Variants in CR1 observed in about 807,000 individuals in gnomAD.
CR1 encodes the protein complement C3b/C4b receptor 1 (Knops blood group).
A neutral mutation model predicts 187.3 loss-of-function variants in CR1; 116 were observed. That is an observed-to-expected ratio of 0.62 (90% CI 0.53 to 0.72). The LOEUF is 0.72. Among genes scored for constraint, CR1 ranks in the 30% least tolerant of loss-of-function variants. The probability of loss-of-function intolerance (pLI) is 0.00; values close to 1 mark genes in which losing one functional copy is unlikely to be tolerated. For synonymous variants in CR1, 576 were observed against 747.1 expected (o/e 0.77, Z 3.73); for missense variants, 1,731 against 2,110.7 (o/e 0.82, Z 3.52).
At chr1:207,510,632 T>C (rs1053796051) in intron 3 of CR1, among the ~76,000 whole-genome samples, 2 of 152,200 alleles carry the variant, frequency 1.3e-5, no homozygotes, top group African/African-American at 4.8e-5. Context: ...GACATACTAA[T>C]TGAGAATTGC....
intron 35 of CR1, among the ~76,000 whole-genome samples, chr1:207,590,265 G>T (rs1661232578): frequency 1.3e-5 from 2 of 152,184 alleles, no homozygotes; most frequent in Non-Finnish European, 2.9e-5. Flanking sequence ...GAATCTCTCT[G>T]CAGAAACCCT....
At position 207,567,265 on chromosome 1, in the gene CR1, G is replaced by GTT. The variant is rs199637674; in HGVS notation, c.3953-544_3953-543dup. Among the ~76,000 whole-genome samples the GTT allele has an allele frequency of 1.4e-3, 195 of 138,082 alleles. 4 individuals are homozygous for GTT. Among genetic ancestry groups the GTT allele is most frequent in the Middle Eastern group, 3.6e-3 (1 of 274 alleles). 90.6% of individuals were successfully genotyped at this position (138,082 alleles called of 152,430 possible). A position where few individuals can be genotyped will look rare whatever the true frequency, so the allele number is the denominator to read the frequency against. On this transcript the variant is annotated intron_variant, in intron 24 of 46. Coordinates refer to ENST00000367049, the MANE Select transcript of CR1 (RefSeq NM_000651.6). ...GCAAAGCCATCTGAATCCATTTGGA[G>GTT]TTTTTTTTTTTTTTTTATCATGGCC...
At chr1:207,514,378 C>T (rs1255026633) in intron 4 of CR1, among the ~76,000 whole-genome samples, 11 of 151,998 alleles carry the variant, frequency 7.2e-5, no homozygotes, top group African/African-American at 2.7e-4. Context: ...ACCCCAAATC[C>T]ATATGTTGAA....
At chr1:207,511,703 T>A in intron 4 of CR1, 49 bp downstream of exon 4, 1 of 1,553,532 alleles carries the variant, frequency 6.4e-7, no homozygotes, top group Non-Finnish European at 8.9e-7. Flanking sequence ...CATTCTAATT[T>A]TTCTCTGGAA....
chr1:207,564,337 CA>C (rs1327033583), intron 23 of CR1, 103 bp downstream of exon 23: 2 of 1,587,036 alleles, frequency 1.3e-6, no homozygotes, highest in East Asian at 4.5e-5. Flanking sequence ...CACACACACA[CA>C]CACACACCTT....
chr1:207,516,707 A>G (rs1280754296), intron 4 of CR1, among the ~76,000 whole-genome samples: 2 of 152,104 alleles, frequency 1.3e-5, no homozygotes, highest in Non-Finnish European at 2.9e-5. Context: ...GAAGTCATGT[A>G]CCTATTTCAT....
chr1:207,567,390 G>C (rs1660534715), intron 24 of CR1, among the ~76,000 whole-genome samples: 2 of 149,522 alleles, frequency 1.3e-5, no homozygotes, highest in Non-Finnish European at 2.9e-5. Context: ...TATTTAAGAT[G>C]ATTAGCACAC....
chr1:207,564,433 T>C (rs1407856268), intron 23 of CR1, among the ~76,000 whole-genome samples, 199 bp downstream of exon 23: 1 of 149,828 alleles, frequency 6.7e-6, no homozygotes, highest in Non-Finnish European at 1.5e-5. Context: ...AAGAGGAAAC[T>C]GGAACATATA....
chr1:207,572,510 G>A (rs1272275989), intron 27 of CR1, among the ~76,000 whole-genome samples: 1 of 151,826 alleles, frequency 6.6e-6, no homozygotes, highest in African/African-American at 2.4e-5. Context: ...ACTTTGTTTA[G>A]ACATAATGCT....
At position 207,579,591 on chromosome 1, in the gene CR1, C is replaced by T. The variant is rs180958614; in HGVS notation, c.4937-649C>T. On this transcript the variant is annotated intron_variant, in intron 29 of 46. Transcript: ENST00000367049. Reference sequence around the variant, plus strand: ...GCCATGGCAACGACCTAGAAGTTACCGCCCCTTTCCTGGAAAGTTCTAAAT... The same window carrying T: ...GCCATGGCAACGACCTAGAAGTTACTGCCCCTTTCCTGGAAAGTTCTAAAT... Among the ~76,000 whole-genome samples the T allele has an allele frequency of 2.6e-4, 40 of 152,288 alleles. 1 individual carries two copies. Among genetic ancestry groups the T allele is most frequent in the African/African-American group, 9.4e-4 (39 of 41,548 alleles).
Position 207,614,497 on chromosome 1 carries a change from G to C in CR1, c.6661+8G>C, listed in dbSNP as rs1431191104. On this transcript the variant is annotated splice_region_variant and intron_variant, in intron 40 of 46. Transcript: ENST00000367049. ...GTGTTCCAGTGTGTGAACGTGAGTA[G>C]AAAGAACTATGTAGTTTGGATAGCT... 4 of 1,607,610 alleles carry C rather than the reference G, an allele frequency of 2.5e-6. No homozygotes were observed. Among genetic ancestry groups the C allele is most frequent in the South Asian group, 1.1e-5 (1 of 90,994 alleles).
chr1:207,522,961 G>A (rs1224250174), intron 4 of CR1, among the ~76,000 whole-genome samples: 5 of 152,078 alleles, frequency 3.3e-5, no homozygotes, highest in African/African-American at 4.8e-5. Context: ...ATCATCTTAT[G>A]ATATCAAACT....
chr1:207,567,118 G>T (rs916310233), intron 24 of CR1, among the ~76,000 whole-genome samples: 3 of 150,292 alleles, frequency 2.0e-5, no homozygotes, highest in Non-Finnish European at 4.4e-5. Flanking sequence ...ATGCCAATTA[G>T]AAATGAGGAA....
chr1:207,526,625 G>C, intron 5 of CR1, 128 bp from the exon 6 acceptor site: 2 of 1,448,514 alleles, frequency 1.4e-6, no homozygotes, highest in Non-Finnish European at 9.1e-7. Context: ...GTTTATCAAT[G>C]TAATAAGGCT....
intron 5 of CR1, among the ~76,000 whole-genome samples, chr1:207,524,472 C>G (rs1006542838): frequency 4.6e-5 from 7 of 152,032 alleles, no homozygotes; most frequent in African/African-American, 1.7e-4. Context: ...CAACCTCCGC[C>G]TCTCTGGCTC....
At chr1:207,627,177 A>G (rs1490692086) in intron 45 of CR1, among the ~76,000 whole-genome samples, 1 of 152,248 alleles carries the variant, frequency 6.6e-6, no homozygotes, top group Non-Finnish European at 1.5e-5. Flanking sequence ...TAACTATCCT[A>G]GTAAAGATGA....
At chr1:207,499,016 A>G (rs1305406635) in intron 1 of CR1, among the ~76,000 whole-genome samples, 2 of 152,162 alleles carry the variant, frequency 1.3e-5, no homozygotes, top group African/African-American at 2.4e-5. Context: ...TAAAGCAACT[A>G]TATCAACAAT....
chr1:207,574,241 G>A (rs1358861902), intron 27 of CR1, among the ~76,000 whole-genome samples: 2 of 152,146 alleles, frequency 1.3e-5, no homozygotes, highest in African/African-American at 4.8e-5. Flanking sequence ...CATCACTAGG[G>A]AAACTTCTGT....
At chr1:207,590,675 T>C (rs138824359) in intron 35 of CR1, among the ~76,000 whole-genome samples, 2,541 of 152,160 alleles carry the variant, frequency 0.017, 61 homozygotes, top group African/African-American at 0.057. Context: ...GCAAATTGGA[T>C]AAAGAGTCAA....
Sources: allele counts gnomAD v4.1 joint callset (sites outside exome capture counted in the v4.1 genomes callset), GRCh38; gene constraint gnomAD v4.1.1; transcripts MANE v1.5; gene names NCBI Gene and HGNC (gene_info 2026-07-23, HGNC 2026-07-21).